Variants in ASIC2 observed in about 807,000 individuals in gnomAD.
ASIC2 encodes acid sensing ion channel subunit 2, also known as acid-sensing ion channel 2.
ASIC2 carries 25 observed loss-of-function variants against 57.3 expected under a neutral mutation model. The observed-to-expected ratio is 0.44, with a 90% CI of 0.32 to 0.61. The LOEUF is 0.61. ASIC2 is among the 20% of genes least tolerant of loss of function. The pLI is 0.06. For synonymous variants in ASIC2, 319 were observed against 307.5 expected (o/e 1.04, Z -0.39); for missense variants, 641 against 738.1 (o/e 0.87, Z 1.52).
chr17:33,255,926 C>G (rs1909050181), intron 1 of ASIC2, among the ~76,000 whole-genome samples: 1 of 152,108 alleles, frequency 6.6e-6, no homozygotes, highest in Admixed American at 6.5e-5. Flanking sequence ...CCAATATACC[C>G]TCTACCTAAG....
In ASIC2 at chr17:33,235,244, TCCCTCC is replaced by T. The variant is rs1329949001; in HGVS notation, c.708+56158_708+56163del. Among the ~76,000 whole-genome samples the T allele has an allele frequency of 5.9e-5, 9 of 152,212 alleles. No homozygotes were observed. The South Asian group carries it at 1.9e-3, about 32-fold the overall frequency. ...CCAAACTAGGTCAGTGTGCACCTTC[TCCCTCC>T]CCCTTCCCAGGATCAGGTAGTCCAT... On this transcript the variant is annotated intron_variant, in intron 1 of 9. Coordinates refer to ENST00000225823, the MANE Select transcript of ASIC2 (RefSeq NM_183377.2).
At chr17:33,318,346 G>A (rs1217943866) in intron 1 of ASIC2, among the ~76,000 whole-genome samples, 1 of 152,130 alleles carries the variant, frequency 6.6e-6, no homozygotes, top group Non-Finnish European at 1.5e-5. Flanking sequence ...TGCTACCACT[G>A]AGCCTGTCTT....
chr17:33,579,106 G>GT (rs1462869188), intron 1 of ASIC2, among the ~76,000 whole-genome samples: 2 of 126,250 alleles, frequency 1.6e-5, no homozygotes, highest in Non-Finnish European at 3.2e-5. Context: ...CCAACATGGT[G>GT]AAACCCCGTC....
intron 1 of ASIC2, chr17:34,038,123 C>T (rs1907960885): frequency 1.2e-6 from 2 of 1,612,748 alleles, no homozygotes; most frequent in Non-Finnish European, 1.7e-6. Context: ...TATCTCTCCA[C>T]ACCCTGTACC....
intron 3 of ASIC2, among the ~76,000 whole-genome samples, chr17:33,069,304 T>C (rs1476139182): frequency 6.6e-6 from 1 of 152,208 alleles, no homozygotes; most frequent in Non-Finnish European, 1.5e-5. Context: ...AGAATGTGTA[T>C]TTTGCTATTG....
chr17:33,063,651 C>A (rs1300053946), intron 3 of ASIC2, among the ~76,000 whole-genome samples: 2 of 152,138 alleles, frequency 1.3e-5, no homozygotes, highest in African/African-American at 2.4e-5. Context: ...TGGAGTTGCT[C>A]TTCTCAAGGA....
chr17:33,027,161 C>T (rs920795272), intron 4 of ASIC2, among the ~76,000 whole-genome samples: 7 of 152,088 alleles, frequency 4.6e-5, no homozygotes, highest in Admixed American at 6.5e-5. Context: ...CCACATGCAT[C>T]GACTACCCAC....
rs71362894 is a variant in ASIC2, at chr17:33,579,286, C to CAAAAAA, written c.556-467225_556-467220dup. ...GGGTAGCACGAATGAAACTGTGTCT[C>CAAAAAA]AAAAAAAAAAAAAAAAAATGCAGGT... is the stretch of plus-strand genomic sequence containing the variant. On this transcript the variant is annotated intron_variant, in intron 1 of 9. Coordinates refer to the ASIC2 transcript ENST00000359872. Among the ~76,000 whole-genome samples, 788 of 103,578 alleles carry CAAAAAA rather than the reference C, an allele frequency of 7.6e-3. 12 individuals are homozygous for CAAAAAA. The highest frequency in any genetic ancestry group is 0.026 in the African/African-American group (690 of 26,452). The allele number at this position is 103,578 out of a possible 152,430, so 68.0% of individuals were successfully genotyped here.
At chr17:33,107,103 C>G (rs4306567) in intron 2 of ASIC2, among the ~76,000 whole-genome samples, 1 of 152,094 alleles carries the variant, frequency 6.6e-6, no homozygotes, top group South Asian at 2.1e-4. Context: ...GATAACCCAC[C>G]GCCTATTCCT....
At chr17:33,582,587 G>C (rs1378680970) in intron 1 of ASIC2, among the ~76,000 whole-genome samples, 1 of 152,122 alleles carries the variant, frequency 6.6e-6, no homozygotes, top group Non-Finnish European at 1.5e-5. Flanking sequence ...TACCTCATAG[G>C]GTTGTCACAA....
At chr17:33,172,764 T>G (rs1368262470) in intron 1 of ASIC2, among the ~76,000 whole-genome samples, 3 of 152,238 alleles carry the variant, frequency 2.0e-5, no homozygotes, top group Non-Finnish European at 4.4e-5. Context: ...CAGCATCACC[T>G]GGGAACTAGG....
chr17:33,026,980 A>T, intron 4 of ASIC2, among the ~76,000 whole-genome samples: 1 of 152,198 alleles, frequency 6.6e-6, no homozygotes, highest in Non-Finnish European at 1.5e-5. Context: ...TAAAACATAC[A>T]AATTTATTAT....
intron 1 of ASIC2, among the ~76,000 whole-genome samples, chr17:33,398,368 G>A (rs772753511): frequency 1.3e-5 from 2 of 152,130 alleles, no homozygotes; most frequent in Non-Finnish European, 2.9e-5. Context: ...AGCCACCCTG[G>A]ATAAAGGGAG....
intron 1 of ASIC2, among the ~76,000 whole-genome samples, chr17:33,849,841 G>A (rs1213701162): frequency 6.6e-6 from 1 of 152,174 alleles, no homozygotes; most frequent in Non-Finnish European, 1.5e-5. Flanking sequence ...TTTCAAAGGA[G>A]GAAGCTGATC....
intron 3 of ASIC2, among the ~76,000 whole-genome samples, chr17:33,053,044 G>A (rs2091983443): frequency 6.6e-6 from 1 of 152,160 alleles, no homozygotes; most frequent in South Asian, 2.1e-4. Flanking sequence ...CCGCCCAAAT[G>A]CCAACTGCAT....
In ASIC2 at chr17:33,688,642, C is replaced by T. The variant is rs75959075; in HGVS notation, c.555+467336G>A. Among the ~76,000 whole-genome samples the T allele has an allele frequency of 2.0e-3, 305 of 152,242 alleles. 2 individuals are homozygous for T. Among genetic ancestry groups the T allele is most frequent in the African/African-American group, 7.0e-3 (291 of 41,518 alleles). On this transcript the variant is annotated intron_variant, in intron 1 of 9. Transcript: ENST00000359872. ...TGTTTGTGGATTGGATAAATTTGAACGGATATATTGTTTCCTTCACCCCAC... is the reference window on the plus strand; with the variant it reads ...TGTTTGTGGATTGGATAAATTTGAATGGATATATTGTTTCCTTCACCCCAC...
chr17:34,151,512 A>G (rs920987895), intron 1 of ASIC2, among the ~76,000 whole-genome samples: 1 of 152,206 alleles, frequency 6.6e-6, no homozygotes, highest in Admixed American at 6.5e-5. Context: ...GGGCTGGCAC[A>G]GGACAAGTGA....
chr17:33,725,352 A>G (rs568702816), intron 1 of ASIC2, among the ~76,000 whole-genome samples: 3 of 152,214 alleles, frequency 2.0e-5, no homozygotes, highest in Non-Finnish European at 4.4e-5. Flanking sequence ...TTTAGGTCTC[A>G]GGCCTATCAG....
intron 1 of ASIC2, among the ~76,000 whole-genome samples, chr17:33,857,206 T>C (rs971010503): frequency 5.3e-5 from 8 of 152,184 alleles, no homozygotes; most frequent in Non-Finnish European, 7.3e-5. Context: ...GGTCAACCAG[T>C]GCTGTCCCAG....
Sources: allele counts gnomAD v4.1 joint callset (sites outside exome capture counted in the v4.1 genomes callset), GRCh38; gene constraint gnomAD v4.1.1; transcripts MANE v1.5; gene names NCBI Gene and HGNC (gene_info 2026-07-23, HGNC 2026-07-21).